The following RPTOR variants were observed in gnomAD, a reference collection of about 807,000 sequenced individuals.
RPTOR encodes regulatory-associated protein of mTOR.
In RPTOR, 21 loss-of-function variants were observed where a neutral mutation model predicts 169.9. The observed-to-expected ratio is 0.12, with a 90% CI of 0.09 to 0.18. RPTOR has a LOEUF of 0.18. Among genes scored for constraint, RPTOR ranks in the 10% least tolerant of loss-of-function variants. The probability of loss-of-function intolerance (pLI) is 1.00; values close to 1 mark genes in which losing one functional copy is unlikely to be tolerated. For missense variants in RPTOR, 1,133 were observed against 1,855.9 expected (o/e 0.61, Z 7.16); for synonymous variants, 732 against 753.2 (o/e 0.97, Z 0.46).
At chr17:80,586,967 A>C (rs1464739601) in intron 1 of RPTOR, among the ~76,000 whole-genome samples, 1 of 152,214 alleles carries the variant, frequency 6.6e-6, no homozygotes, top group Non-Finnish European at 1.5e-5. Context: ...CGTCTGCCGG[A>C]TGAACACACG....
intron 20 of RPTOR, among the ~76,000 whole-genome samples, chr17:80,894,655 C>A (rs2068375835): frequency 6.6e-6 from 1 of 152,340 alleles, no homozygotes; most frequent in Non-Finnish European, 1.5e-5. Context: ...GCCTCATCTC[C>A]TCTTGTTCTG....
At chr17:80,894,022 C>T (rs17848656) in intron 20 of RPTOR, among the ~76,000 whole-genome samples, 157 bp downstream of exon 20, 39,758 of 152,040 alleles carry the variant, frequency 0.26, 5,493 homozygotes, top group South Asian at 0.47. Context: ...GCAGGGAGAA[C>T]GTTTTGCTGG....
At chr17:80,818,329 A>G (rs764604978) in intron 7 of RPTOR, among the ~76,000 whole-genome samples, 2 of 152,176 alleles carry the variant, frequency 1.3e-5, no homozygotes, top group Non-Finnish European at 2.9e-5. Context: ...TTTAAATTTT[A>G]AAAGAGCCAC....
In RPTOR at chr17:80,960,209, C is replaced by T; in HGVS notation, c.3605+4C>T. ...GAAGGATGGCACTCAGCGAATGGTA[C>T]CTTGACCCTGTCCTCTCCCTCCCCG... On this transcript the variant is annotated splice_donor_region_variant and intron_variant, in intron 30 of 33. Transcript: ENST00000306801. The surrounding 1 kb of genome is among the most constrained non-coding windows in gnomAD (Gnocchi z 4.8). The T allele has an allele frequency of 6.2e-7, 1 of 1,613,400 alleles. No homozygotes were observed. The highest frequency in any genetic ancestry group is 2.2e-5 in the East Asian group (1 of 44,874).
chr17:80,676,834 C>T (rs1053223773), intron 3 of RPTOR, among the ~76,000 whole-genome samples: 4 of 152,188 alleles, frequency 2.6e-5, no homozygotes, highest in African/African-American at 4.8e-5. Context: ...CAGGGCTCAT[C>T]GCTAGCCAGG....
intron 6 of RPTOR, among the ~76,000 whole-genome samples, chr17:80,772,050 G>A (rs1327486731): frequency 2.0e-5 from 3 of 152,096 alleles, no homozygotes; most frequent in Non-Finnish European, 4.4e-5. Flanking sequence ...TTAACTTCTG[G>A]CCTCAAGCAG....
At chr17:80,875,554 T>A (rs1230987231) in intron 13 of RPTOR, among the ~76,000 whole-genome samples, 1 of 152,162 alleles carries the variant, frequency 6.6e-6, no homozygotes, top group East Asian at 1.9e-4. Context: ...CCACCATAGC[T>A]TGATCTGGGA....
At chr17:80,788,111 C>T (rs1364074990) in intron 6 of RPTOR, among the ~76,000 whole-genome samples, 2 of 152,108 alleles carry the variant, frequency 1.3e-5, no homozygotes, top group African/African-American at 2.4e-5. Context: ...TTTTGTCATG[C>T]TCACACATTT....
chr17:80,771,486 G>C (rs761012484), intron 6 of RPTOR, among the ~76,000 whole-genome samples: 1 of 152,178 alleles, frequency 6.6e-6, no homozygotes, highest in African/African-American at 2.4e-5. Flanking sequence ...CTTCAGGACG[G>C]AAGGGGGTAC....
At chr17:80,724,287 G>A (rs547744517) in intron 4 of RPTOR, among the ~76,000 whole-genome samples, 5 of 151,214 alleles carry the variant, frequency 3.3e-5, no homozygotes, top group African/African-American at 1.2e-4. Context: ...AGAGGTGGGG[G>A]CCATGAGTGC....
intron 9 of RPTOR, among the ~76,000 whole-genome samples, chr17:80,825,172 C>T (rs182273256): frequency 0.084 from 11,205 of 133,874 alleles, 454 homozygotes; most frequent in South Asian, 0.095. Context: ...GCAGCCACAT[C>T]CCACCTCTCC....
intron 9 of RPTOR, among the ~76,000 whole-genome samples, chr17:80,826,197 T>C (rs2067440986): frequency 6.6e-6 from 1 of 152,166 alleles, no homozygotes; most frequent in African/African-American, 2.4e-5. Flanking sequence ...GGCCCCTCCC[T>C]CACAGTGTCT....
At chr17:80,796,987 G>T (rs1278674986) in intron 7 of RPTOR, among the ~76,000 whole-genome samples, 1 of 152,182 alleles carries the variant, frequency 6.6e-6, no homozygotes, top group Non-Finnish European at 1.5e-5. Flanking sequence ...ATTTCCAAGT[G>T]GACGTCAGTT....
At chr17:80,922,347 G>A (rs2068755650) in intron 21 of RPTOR, among the ~76,000 whole-genome samples, 1 of 152,190 alleles carries the variant, frequency 6.6e-6, no homozygotes, top group African/African-American at 2.4e-5. Flanking sequence ...TCAGGCAAGG[G>A]GGAGGACACT....
chr17:80,719,938 T>A (rs1224639382), intron 4 of RPTOR, among the ~76,000 whole-genome samples: 1 of 152,268 alleles, frequency 6.6e-6, no homozygotes, highest in Non-Finnish European at 1.5e-5. Flanking sequence ...TTTGTTTTTT[T>A]AATTGGGATT....
chr17:80,753,891 T>C, intron 5 of RPTOR, 119 bp from the exon 6 acceptor site: 1 of 957,544 alleles, frequency 1.0e-6, no homozygotes, highest in Non-Finnish European at 1.6e-6. Flanking sequence ...GACTTTCCAG[T>C]GAAAACTCAC....
intron 3 of RPTOR, among the ~76,000 whole-genome samples, chr17:80,649,280 C>T (rs1023229987): frequency 3.9e-5 from 6 of 152,202 alleles, no homozygotes; most frequent in Non-Finnish European, 8.8e-5. Context: ...CACGTTGCGA[C>T]ATTAGTTCCA....
At chr17:80,717,484 A>G (rs1262278294) in intron 4 of RPTOR, among the ~76,000 whole-genome samples, 3 of 152,074 alleles carry the variant, frequency 2.0e-5, no homozygotes, top group African/African-American at 7.2e-5. Flanking sequence ...TTATTCCATT[A>G]GTTTATCCTT....
chr17:80,756,510 A>G (rs2066682200), intron 6 of RPTOR, among the ~76,000 whole-genome samples: 1 of 152,218 alleles, frequency 6.6e-6, no homozygotes, highest in South Asian at 2.1e-4. Context: ...GCCCCAACAC[A>G]AAAGATAGAA....
Sources: allele counts gnomAD v4.1 joint callset (sites outside exome capture counted in the v4.1 genomes callset), GRCh38; gene constraint gnomAD v4.1.1; non-coding constraint Gnocchi (gnomAD v3.1); transcripts MANE v1.5; gene names NCBI Gene and HGNC (gene_info 2026-07-23, HGNC 2026-07-21).